Variants in HYCC1 observed in about 807,000 individuals in gnomAD.
HYCC1 encodes hyccin.
chr7:22,941,275 T>C, the HYCC1 span: 47 of 151,260 alleles, frequency 3.1e-4, no homozygotes, highest in African/African-American at 1.0e-3. Context: ...TTTCAGTTTT[T>C]ATTTCAATAA....
chr7:22,927,733 C>T, the HYCC1 span, among the ~76,000 whole-genome samples: 1,471 of 152,278 alleles, frequency 9.7e-3, 13 homozygotes, highest in Middle Eastern at 0.024. Context: ...CAGATGGATT[C>T]ACAGCTGAAT....
chr7:22,955,453 AT>A, the HYCC1 span, among the ~76,000 whole-genome samples: 6 of 151,718 alleles, frequency 4.0e-5, no homozygotes, highest in Non-Finnish European at 7.4e-5. Context: ...CAATAAAAAA[AT>A]CGAGATTCCA....
At chr7:22,981,045 A>G in the HYCC1 span, among the ~76,000 whole-genome samples, 3 of 152,094 alleles carry the variant, frequency 2.0e-5, no homozygotes, top group Non-Finnish European at 4.4e-5. Context: ...TTGGATCTTG[A>G]TTCAATCGCC....
the HYCC1 span, among the ~76,000 whole-genome samples, chr7:22,949,590 T>C: frequency 6.6e-6 from 1 of 152,142 alleles, no homozygotes; most frequent in Non-Finnish European, 1.5e-5. Context: ...TGTGTATTTT[T>C]TTAATTGGGT....
the HYCC1 span, among the ~76,000 whole-genome samples, chr7:22,956,912 TAAG>T: frequency 6.6e-6 from 1 of 151,950 alleles, no homozygotes; most frequent in Non-Finnish European, 1.5e-5. Flanking sequence ...GTAGAAATGT[TAAG>T]AATAAAGTAA....
the HYCC1 span, among the ~76,000 whole-genome samples, chr7:23,008,773 G>A: frequency 6.6e-6 from 1 of 151,970 alleles, no homozygotes; most frequent in South Asian, 2.1e-4. Flanking sequence ...TAAAACCTCT[G>A]AAGACGATAA....
At chr7:23,003,568 T>C in the HYCC1 span, among the ~76,000 whole-genome samples, 3 of 152,206 alleles carry the variant, frequency 2.0e-5, no homozygotes, top group Admixed American at 2.0e-4. Context: ...GGAAATATGG[T>C]TTCCAAAGCA....
the HYCC1 span, among the ~76,000 whole-genome samples, chr7:22,975,735 G>A: frequency 6.6e-6 from 1 of 152,024 alleles, no homozygotes; most frequent in Non-Finnish European, 1.5e-5. Flanking sequence ...CTTTGTTTTT[G>A]AGACAGGGTC....
chr7:22,924,361 G>C, the HYCC1 span, among the ~76,000 whole-genome samples: 1 of 152,144 alleles, frequency 6.6e-6, no homozygotes, highest in African/African-American at 2.4e-5. Flanking sequence ...AGCGCACTGT[G>C]TGTGAGCCGA....
chr7:22,996,365 G>A, the HYCC1 span, among the ~76,000 whole-genome samples: 1 of 151,226 alleles, frequency 6.6e-6, no homozygotes, highest in Non-Finnish European at 1.5e-5. Flanking sequence ...GCATTATGTA[G>A]GAAAGAGAAT....
the HYCC1 span, among the ~76,000 whole-genome samples, chr7:22,986,422 T>C: frequency 3.3e-5 from 5 of 152,266 alleles, no homozygotes; most frequent in Admixed American, 2.0e-4. Context: ...CAAAAACATT[T>C]AAATTTTCTC....
the HYCC1 span, chr7:22,934,697 C>A: frequency 8.9e-4 from 136 of 152,308 alleles, no homozygotes; most frequent in African/African-American, 3.0e-3. Flanking sequence ...CCAGAGGAAA[C>A]CTGACACAAG....
At chr7:22,913,490 C>T in the HYCC1 span, among the ~76,000 whole-genome samples, 5 of 152,272 alleles carry the variant, frequency 3.3e-5, no homozygotes, top group South Asian at 4.1e-4. Flanking sequence ...CCCAAGCCTG[C>T]GTGTATACAT....
At chr7:22,973,844 T>C in the HYCC1 span, among the ~76,000 whole-genome samples, 1 of 152,330 alleles carries the variant, frequency 6.6e-6, no homozygotes, top group East Asian at 1.9e-4. Flanking sequence ...ATGTACTACG[T>C]TAGAGTTAGA....
At chr7:22,970,271 T>C in the HYCC1 span, among the ~76,000 whole-genome samples, 1 of 141,188 alleles carries the variant, frequency 7.1e-6, no homozygotes. Context: ...CTAAAACTGA[T>C]GATTTTATTT....
the HYCC1 span, among the ~76,000 whole-genome samples, chr7:22,982,345 A>G: frequency 6.6e-6 from 1 of 152,204 alleles, no homozygotes; most frequent in African/African-American, 2.4e-5. Context: ...TGGCTTGTCA[A>G]TATACTCCCT....
At chr7:22,960,458 G>C in the HYCC1 span, 2 of 1,489,314 alleles carry the variant, frequency 1.3e-6, no homozygotes, top group Admixed American at 1.7e-5. Flanking sequence ...TGAGCAGATA[G>C]AGCAGATATA....
the HYCC1 span, chr7:22,939,533 C>T: frequency 6.6e-6 from 1 of 152,134 alleles, no homozygotes; most frequent in African/African-American, 2.4e-5. Flanking sequence ...CATTGTTTGA[C>T]CACTAAAACA....
At chr7:22,921,826 A>C in the HYCC1 span, among the ~76,000 whole-genome samples, 2 of 152,166 alleles carry the variant, frequency 1.3e-5, no homozygotes, top group Admixed American at 6.5e-5. Context: ...CTTCAAGCCA[A>C]GTTTGGTTGA....
Sources: allele counts gnomAD v4.1 joint callset (sites outside exome capture counted in the v4.1 genomes callset), GRCh38; gene constraint gnomAD v4.1.1; transcripts MANE v1.5; gene names NCBI Gene and HGNC (gene_info 2026-07-23, HGNC 2026-07-21).